ARSB: variants seen among roughly 807,000 people sequenced by gnomAD.
ARSB encodes arylsulfatase B, also known as N-acetylgalactosamine-4-sulfatase.
ARSB carries 41 observed loss-of-function variants against 50.9 expected under a neutral mutation model. The observed-to-expected ratio is 0.81, with a 90% CI of 0.63 to 1.04. The LOEUF (loss-of-function observed/expected upper bound fraction) is 1.04, where lower values mean the gene tolerates loss of function less well. Ranked by LOEUF, ARSB falls within the 50% of genes least tolerant of loss-of-function variation. The pLI is 0.00. For synonymous variants in ARSB, 269 were observed against 284.8 expected (o/e 0.94, Z 0.56); for missense variants, 672 against 693.3 (o/e 0.97, Z 0.35).
intron 5 of ARSB, among the ~76,000 whole-genome samples, chr5:78,861,495 G>A (rs1221460297): frequency 6.6e-6 from 1 of 152,056 alleles, no homozygotes. Flanking sequence ...CATATAAACA[G>A]AACCAAACAC....
chr5:78,980,413 C>T (rs336520), intron 1 of ARSB, among the ~76,000 whole-genome samples: 24,523 of 152,200 alleles, frequency 0.16, 2,411 homozygotes, highest in East Asian at 0.32. Flanking sequence ...AAAGTATTCA[C>T]TTCACCATTC....
chr5:78,919,370 T>C (rs1324941843), intron 4 of ARSB, among the ~76,000 whole-genome samples: 2 of 152,206 alleles, frequency 1.3e-5, no homozygotes, highest in Non-Finnish European at 2.9e-5. Flanking sequence ...TCAGGCAGAG[T>C]TCATGTATGA....
At chr5:78,863,397 C>T (rs1746546914) in intron 5 of ARSB, among the ~76,000 whole-genome samples, 1 of 152,076 alleles carries the variant, frequency 6.6e-6, no homozygotes, top group Non-Finnish European at 1.5e-5. Flanking sequence ...GAAAACATGG[C>T]ACATATACAC....
chr5:78,930,190 A>C (rs1044923069), intron 4 of ARSB, among the ~76,000 whole-genome samples: 2 of 152,202 alleles, frequency 1.3e-5, no homozygotes, highest in African/African-American at 4.8e-5. Flanking sequence ...ACCTACGGCC[A>C]GCACTGTCAG....
At chr5:78,864,274 T>C (rs996912818) in intron 5 of ARSB, among the ~76,000 whole-genome samples, 4 of 152,180 alleles carry the variant, frequency 2.6e-5, no homozygotes, top group Non-Finnish European at 5.9e-5. Flanking sequence ...CAGTTACACA[T>C]GGCTGGCGAA....
chr5:78,984,753 A>G (rs1285027885), intron 1 of ARSB, among the ~76,000 whole-genome samples, 184 bp downstream of exon 1: 1 of 151,962 alleles, frequency 6.6e-6, no homozygotes, highest in East Asian at 1.9e-4. Context: ...GCATGCGCAG[A>G]GGCCGCGGCG....
intron 4 of ARSB, among the ~76,000 whole-genome samples, chr5:78,954,801 G>A (rs899502337): frequency 4.6e-5 from 7 of 152,180 alleles, no homozygotes; most frequent in African/African-American, 1.7e-4. Flanking sequence ...CACCGCGCCC[G>A]GCCCCAAAAA....
intron 6 of ARSB, among the ~76,000 whole-genome samples, chr5:78,831,544 C>T (rs1156644034): frequency 6.6e-6 from 1 of 152,144 alleles, no homozygotes; most frequent in African/African-American, 2.4e-5. Context: ...ATGATCGTAA[C>T]TCATATCTGG....
At chr5:78,948,537 A>C (rs1157883228) in intron 4 of ARSB, among the ~76,000 whole-genome samples, 1 of 152,216 alleles carries the variant, frequency 6.6e-6, no homozygotes, top group Non-Finnish European at 1.5e-5. Flanking sequence ...CACACACTGC[A>C]GAAGAAATGG....
chr5:78,943,226 CTT>C (rs1443731276), intron 4 of ARSB, among the ~76,000 whole-genome samples: 13 of 152,184 alleles, frequency 8.5e-5, no homozygotes, highest in Non-Finnish European at 1.8e-4. Context: ...GGTCTTGACT[CTT>C]TATCCAATTT....
chr5:78,944,357 A>C (rs1751104882), intron 4 of ARSB, among the ~76,000 whole-genome samples: 1 of 152,114 alleles, frequency 6.6e-6, no homozygotes, highest in African/African-American at 2.4e-5. Flanking sequence ...AGGCACTCTG[A>C]TTTTTAGAAT....
intron 2 of ARSB, 116 bp from the exon 3 acceptor site, chr5:78,964,722 G>T: frequency 1.0e-6 from 1 of 970,036 alleles, no homozygotes; most frequent in Non-Finnish European, 1.6e-6. Context: ...CTAATCAAAT[G>T]ACAAGGCTAA....
intron 4 of ARSB, among the ~76,000 whole-genome samples, chr5:78,918,556 C>T (rs1749662619): frequency 6.6e-6 from 1 of 152,050 alleles, no homozygotes; most frequent in South Asian, 2.1e-4. Context: ...TGTGCACACA[C>T]ACACACACAC....
At chr5:78,808,049 C>T (rs536500893) in intron 6 of ARSB, among the ~76,000 whole-genome samples, 3 of 134,302 alleles carry the variant, frequency 2.2e-5, no homozygotes, top group South Asian at 2.4e-4. Context: ...GCCGAGATCC[C>T]GCCACTGCAC....
intron 4 of ARSB, among the ~76,000 whole-genome samples, chr5:78,942,035 A>T (rs952703551): frequency 6.6e-6 from 1 of 152,152 alleles, no homozygotes; most frequent in Non-Finnish European, 1.5e-5. Flanking sequence ...CCAGTAATTT[A>T]TCCGTTTCTT....
At chr5:78,793,362 C>T (rs906469401) in intron 6 of ARSB, among the ~76,000 whole-genome samples, 6 of 152,222 alleles carry the variant, frequency 3.9e-5, no homozygotes, top group Non-Finnish European at 7.3e-5. Context: ...GAAGACAACG[C>T]TCTTTTTCCC....
chr5:78,918,840 G>A (rs1056788647), intron 4 of ARSB, among the ~76,000 whole-genome samples: 1 of 152,092 alleles, frequency 6.6e-6, no homozygotes, highest in Non-Finnish European at 1.5e-5. Context: ...GGTGCTAATT[G>A]GGTTTTCACA....
intron 5 of ARSB, among the ~76,000 whole-genome samples, chr5:78,859,455 T>C (rs1746318818): frequency 6.6e-6 from 1 of 152,196 alleles, no homozygotes; most frequent in Non-Finnish European, 1.5e-5. Context: ...CTTCAGGGAC[T>C]AATATGCCTT....
At chr5:78,888,726 A>AGGAAAATTG (rs1580004706) in intron 4 of ARSB, among the ~76,000 whole-genome samples, 2 of 152,296 alleles carry the variant, frequency 1.3e-5, no homozygotes, top group East Asian at 3.9e-4. Flanking sequence ...TGACTCAGAT[A>AGGAAAATTG]GGAAAATTCT....
Sources: allele counts gnomAD v4.1 joint callset (sites outside exome capture counted in the v4.1 genomes callset), GRCh38; gene constraint gnomAD v4.1.1; transcripts MANE v1.5; gene names NCBI Gene and HGNC (gene_info 2026-07-23, HGNC 2026-07-21).